CACNA2D3: variants seen among roughly 807,000 people sequenced by gnomAD.
CACNA2D3 encodes the protein voltage-dependent calcium channel subunit alpha-2/delta-3.
A neutral mutation model predicts 160.6 loss-of-function variants in CACNA2D3; 60 were observed. The observed-to-expected ratio is 0.37, with a 90% CI of 0.30 to 0.46. The LOEUF (loss-of-function observed/expected upper bound fraction) is 0.46, where lower values mean the gene tolerates loss of function less well. Among genes scored for constraint, CACNA2D3 ranks in the 20% least tolerant of loss-of-function variants. The probability of loss-of-function intolerance (pLI) is 1.00; values close to 1 mark genes in which losing one functional copy is unlikely to be tolerated. For synonymous variants in CACNA2D3, 558 were observed against 492.9 expected (o/e 1.13, Z -1.75); for missense variants, 1,205 against 1,365.0 (o/e 0.88, Z 1.85).
chr3:54,177,519 G>A (rs903980466), intron 2 of CACNA2D3, among the ~76,000 whole-genome samples: 15 of 152,150 alleles, frequency 9.9e-5, no homozygotes, highest in Middle Eastern at 6.3e-3. Context: ...AGTTCACTTT[G>A]GAAGACTATT....
intron 13 of CACNA2D3, among the ~76,000 whole-genome samples, chr3:54,766,991 C>T (rs75196730): frequency 0.025 from 3,704 of 150,688 alleles, 175 homozygotes; most frequent in African/African-American, 0.086. Context: ...ACCAACAGAA[C>T]TGGTTACCAA....
In CACNA2D3 at chr3:55,067,388, C is replaced by T. The variant is rs1023469967; in HGVS notation, c.2988-6057C>T. ...TTGGGTTTGAACCTCTGCTCTGCCC[C>T]GGTTACTCTAGGTACTTAGTTTTTT... On this transcript the variant is annotated intron_variant, in intron 35 of 37. Transcript: ENST00000474759. 1.7e-4 allele frequency among the ~76,000 whole-genome samples: 26 copies of T among 152,120 alleles called. 1 individual carries two copies. Among genetic ancestry groups the T allele is most frequent in the East Asian group, 5.8e-4 (3 of 5,196 alleles).
intron 4 of CACNA2D3, among the ~76,000 whole-genome samples, chr3:54,484,846 A>ATT (rs368714812): frequency 2.8e-5 from 4 of 143,910 alleles, no homozygotes; most frequent in South Asian, 2.2e-4. Flanking sequence ...TAGGTAGATA[A>ATT]TTTTTTTTTT....
chr3:54,577,570 G>A (rs2106732962), intron 8 of CACNA2D3, among the ~76,000 whole-genome samples: 1 of 152,310 alleles, frequency 6.6e-6, no homozygotes, highest in Non-Finnish European at 1.5e-5. Flanking sequence ...TTCCAGCTCT[G>A]GGTGCAGGGT....
At chr3:54,704,892 C>T (rs1700830505) in intron 11 of CACNA2D3, among the ~76,000 whole-genome samples, 1 of 152,106 alleles carries the variant, frequency 6.6e-6, no homozygotes, top group Non-Finnish European at 1.5e-5. Context: ...CTACCCCCCA[C>T]CCCCATTTCT....
intron 13 of CACNA2D3, among the ~76,000 whole-genome samples, chr3:54,809,216 C>T (rs932114599): frequency 6.6e-6 from 1 of 151,156 alleles, no homozygotes; most frequent in Non-Finnish European, 1.5e-5. Context: ...TCCTTTCCTT[C>T]TGCTCTCATT....
intron 3 of CACNA2D3, among the ~76,000 whole-genome samples, chr3:54,331,061 C>G (rs1007839139): frequency 1.3e-5 from 2 of 152,038 alleles, no homozygotes; most frequent in African/African-American, 4.8e-5. Context: ...ATGGGAATTT[C>G]GTCATTGGAG....
chr3:54,590,434 G>A (rs1702836636), intron 9 of CACNA2D3, among the ~76,000 whole-genome samples: 1 of 152,112 alleles, frequency 6.6e-6, no homozygotes, highest in African/African-American at 2.4e-5. Flanking sequence ...CATGGGAGTG[G>A]GGAGAGGTCA....
intron 2 of CACNA2D3, among the ~76,000 whole-genome samples, chr3:54,308,440 G>A (rs1334879819): frequency 6.6e-6 from 1 of 152,098 alleles, no homozygotes; most frequent in African/African-American, 2.4e-5. Flanking sequence ...TCCCCCAATC[G>A]GCTGGCTGAA....
chr3:54,795,501 G>A (rs1183405824), intron 13 of CACNA2D3, among the ~76,000 whole-genome samples: 1 of 152,048 alleles, frequency 6.6e-6, no homozygotes, highest in African/African-American at 2.4e-5. Context: ...TGAGTGTCTG[G>A]ATTTTGTCTA....
chr3:55,042,568 T>A (rs781183536), intron 35 of CACNA2D3, among the ~76,000 whole-genome samples: 7 of 152,298 alleles, frequency 4.6e-5, no homozygotes, highest in East Asian at 1.9e-4. Context: ...AAACAGCATA[T>A]GTTTTGGTCT....
chr3:54,894,088 TACTC>T (rs1276559787), intron 25 of CACNA2D3, among the ~76,000 whole-genome samples: 1 of 152,202 alleles, frequency 6.6e-6, no homozygotes, highest in Non-Finnish European at 1.5e-5. Context: ...GAGACTCAAT[TACTC>T]ACTCAGAGTC....
At chr3:54,852,311 TC>T (rs1442590925) in intron 17 of CACNA2D3, among the ~76,000 whole-genome samples, 2 of 152,226 alleles carry the variant, frequency 1.3e-5, no homozygotes, top group Non-Finnish European at 2.9e-5. Context: ...CATCTAGACT[TC>T]CGCAGACAAA....
rs547723661 is a variant in CACNA2D3, at chr3:54,287,965, G to C, written c.205-32477G>C. Among the ~76,000 whole-genome samples the C allele has an allele frequency of 2.0e-3, 305 of 151,198 alleles. 4 individuals carry two copies. Among genetic ancestry groups the C allele is most frequent in the African/African-American group, 6.8e-3 (278 of 41,122 alleles). On this transcript the variant is annotated intron_variant, in intron 2 of 37. Transcript: ENST00000474759. ...AATTTATAGCACTAAATGCCCACAA[G>C]AGAAAGCAGGAAAGATCCAAAATTG...
chr3:54,483,091 A>G (rs1475055870), intron 4 of CACNA2D3, among the ~76,000 whole-genome samples: 2 of 152,210 alleles, frequency 1.3e-5, no homozygotes, highest in African/African-American at 4.8e-5. Flanking sequence ...ATCCTTTTAA[A>G]TGGCTTGGCA....
chr3:54,294,336 C>G (rs1703288152), intron 2 of CACNA2D3, among the ~76,000 whole-genome samples: 1 of 152,146 alleles, frequency 6.6e-6, no homozygotes, highest in Non-Finnish European at 1.5e-5. Context: ...GGGTATGCGA[C>G]AAAGTTTTTC....
intron 4 of CACNA2D3, among the ~76,000 whole-genome samples, chr3:54,390,431 G>A (rs191427277): frequency 1.3e-5 from 2 of 152,268 alleles, no homozygotes; most frequent in Admixed American, 6.5e-5. Context: ...TTGGGAACAA[G>A]GAAAGGGAGC....
chr3:54,340,486 T>C, intron 3 of CACNA2D3, among the ~76,000 whole-genome samples: 1 of 152,204 alleles, frequency 6.6e-6, no homozygotes, highest in East Asian at 1.9e-4. Flanking sequence ...TTAATATGTT[T>C]GAAAAGAAAT....
chr3:54,792,814 G>A (rs558086200), intron 13 of CACNA2D3, among the ~76,000 whole-genome samples: 36 of 152,188 alleles, frequency 2.4e-4, no homozygotes, highest in African/African-American at 8.4e-4. Context: ...GGCAGGAGTC[G>A]CGTGTCTACC....
Sources: allele counts gnomAD v4.1 joint callset (sites outside exome capture counted in the v4.1 genomes callset), GRCh38; gene constraint gnomAD v4.1.1; transcripts MANE v1.5; gene names NCBI Gene and HGNC (gene_info 2026-07-23, HGNC 2026-07-21).